Variants in TULP4 observed in about 807,000 individuals in gnomAD.
TULP4 encodes the protein tubby-related protein 4.
A neutral mutation model predicts 129.0 loss-of-function variants in TULP4; 16 were observed. The ratio of observed to expected loss-of-function variants is 0.12; its 90% CI spans 0.08 to 0.19. TULP4 has a LOEUF of 0.19. Among genes scored for constraint, TULP4 ranks in the 10% least tolerant of loss-of-function variants. The probability of loss-of-function intolerance (pLI) is 1.00; values close to 1 mark genes in which losing one functional copy is unlikely to be tolerated. For synonymous variants in TULP4, 998 were observed against 854.0 expected, an observed-to-expected ratio of 1.17 and a Z score of -2.94; for missense variants, 1,842 against 2,059.1, an observed-to-expected ratio of 0.89 and a Z score of 2.04.
intron 2 of TULP4, among the ~76,000 whole-genome samples, chr6:158,429,052 C>T (rs1030147194): frequency 5.3e-5 from 8 of 152,076 alleles, no homozygotes; most frequent in South Asian, 2.1e-4. Flanking sequence ...GCACCATGAT[C>T]GCTCACTAAG....
chr6:158,378,667 T>C (rs1274167711), intron 1 of TULP4, among the ~76,000 whole-genome samples: 1 of 152,050 alleles, frequency 6.6e-6, no homozygotes, highest in Non-Finnish European at 1.5e-5. Flanking sequence ...GTATTTTTAG[T>C]AGAGACAGGG....
rs763153553 is a variant in TULP4, at chr6:158,508,131, C to T, written c.*1437C>T. On this transcript the variant is annotated 3_prime_UTR_variant, in exon 14 of 14. Coordinates refer to ENST00000367097, the MANE Select transcript of TULP4 (RefSeq NM_020245.5). ...CAGTATTCAAGCCCTGATGACAAAA[C>T]CCAGTGTTTTTTGTTGTTGTTTTTT... 1.3e-5 allele frequency: 2 copies of T among 152,126 alleles called. No homozygotes were observed. Among genetic ancestry groups the T allele is most frequent in the Non-Finnish European group, 2.9e-5 (2 of 68,020 alleles). The allele number at this position is 152,126 out of a possible 1,614,324, so 9.4% of individuals were successfully genotyped here. A position where few individuals can be genotyped will look rare whatever the true frequency, so the allele number is the denominator to read the frequency against.
intron 1 of TULP4, among the ~76,000 whole-genome samples, chr6:158,304,977 A>G (rs1350832322): frequency 1.3e-5 from 2 of 151,984 alleles, no homozygotes; most frequent in African/African-American, 2.4e-5. Flanking sequence ...CATTTTTACC[A>G]TTTTTAAAGT....
At chr6:158,262,847 T>TTTGCTTTTGGATG (rs1778375070) in intron 1 of TULP4, among the ~76,000 whole-genome samples, 1 of 117,048 alleles carries the variant, frequency 8.5e-6, no homozygotes, top group Non-Finnish European at 2.0e-5. Context: ...TTGGAATTGT[T>TTTGCTTTTGGATG]TTGCTTTTGG....
At chr6:158,255,945 T>A (rs186890764) in intron 1 of TULP4, among the ~76,000 whole-genome samples, 23 of 152,282 alleles carry the variant, frequency 1.5e-4, no homozygotes, top group Admixed American at 1.5e-3. Context: ...GTGGGAGAGA[T>A]CCCTTTTCTT....
chr6:158,375,373 C>G (rs550847927), intron 1 of TULP4, among the ~76,000 whole-genome samples: 1 of 152,306 alleles, frequency 6.6e-6, no homozygotes, highest in East Asian at 1.9e-4. Context: ...TGCATATTAA[C>G]ATTTGCCACT....
intron 1 of TULP4, among the ~76,000 whole-genome samples, chr6:158,362,581 C>A (rs961235734): frequency 6.6e-6 from 1 of 152,094 alleles, no homozygotes; most frequent in African/African-American, 2.4e-5. Flanking sequence ...AACTCCTGGC[C>A]TCAAGTGATC....
chr6:158,274,370 A>G (rs919761704), intron 1 of TULP4, among the ~76,000 whole-genome samples: 3 of 152,188 alleles, frequency 2.0e-5, no homozygotes, highest in Non-Finnish European at 4.4e-5. Context: ...GGCCACCACC[A>G]GCTGTACCCG....
At position 158,489,843 on chromosome 6, in the gene TULP4, C is replaced by T. The variant is rs909814488; in HGVS notation, c.1631+111C>T. On this transcript the variant is annotated intron_variant, in intron 9 of 13. Transcript: ENST00000367097. ...ACCAGAAGAGTCAAAGAGCAACCTC[C>T]CTGCCTTTTCTTCCAGAAGATTCCA... The T allele has an allele frequency of 1.0e-5, 13 of 1,289,010 alleles. No individual in the cohort carries two copies. In the African/African-American group the frequency reaches 1.8e-4, roughly 18 times the overall value. The allele number at this position is 1,289,010 out of a possible 1,614,324, so 79.8% of individuals were successfully genotyped here. A position where few individuals can be genotyped will look rare whatever the true frequency, so the allele number is the denominator to read the frequency against.
At chr6:158,319,941 GC>G (rs1414929446) in intron 1 of TULP4, among the ~76,000 whole-genome samples, 6 of 152,082 alleles carry the variant, frequency 3.9e-5, no homozygotes, top group African/African-American at 1.4e-4. Context: ...GAAAATATAT[GC>G]CCCCCTCAAT....
chr6:158,405,695 A>G (rs1777964697), intron 1 of TULP4, among the ~76,000 whole-genome samples: 1 of 152,082 alleles, frequency 6.6e-6, no homozygotes, highest in African/African-American at 2.4e-5. Context: ...CCCTGGGCTG[A>G]GATTATGGTG....
intron 1 of TULP4, among the ~76,000 whole-genome samples, chr6:158,257,992 G>A (rs1778278492): frequency 6.6e-6 from 1 of 152,162 alleles, no homozygotes; most frequent in African/African-American, 2.4e-5. Flanking sequence ...TCCAAGGGGT[G>A]GCTGATCTCT....
At chr6:158,465,691 GA>G (rs1250520858) in intron 6 of TULP4, among the ~76,000 whole-genome samples, 1 of 152,212 alleles carries the variant, frequency 6.6e-6, no homozygotes, top group African/African-American at 2.4e-5. Context: ...GAGGTCCTGA[GA>G]AAGTGCGCCC....
intron 1 of TULP4, among the ~76,000 whole-genome samples, chr6:158,371,012 A>G (rs1055369720): frequency 6.6e-6 from 1 of 152,210 alleles, no homozygotes; most frequent in South Asian, 2.1e-4. Flanking sequence ...GCTCCCTTAC[A>G]GGCTCCTGCC....
At chr6:158,381,594 T>A (rs1298648088) in intron 1 of TULP4, among the ~76,000 whole-genome samples, 1 of 152,234 alleles carries the variant, frequency 6.6e-6, no homozygotes, top group African/African-American at 2.4e-5. Flanking sequence ...CTGCTTTTAT[T>A]TTCTTCTCCT....
At chr6:158,363,262 G>T (rs1780842642) in intron 1 of TULP4, among the ~76,000 whole-genome samples, 1 of 152,110 alleles carries the variant, frequency 6.6e-6, no homozygotes, top group Non-Finnish European at 1.5e-5. Context: ...ATTGCTCTGG[G>T]ATCCAGATGT....
At chr6:158,370,232 G>A (rs891023629) in intron 1 of TULP4, among the ~76,000 whole-genome samples, 20 of 151,932 alleles carry the variant, frequency 1.3e-4, no homozygotes, top group East Asian at 1.2e-3. Context: ...TGAGGCGGGC[G>A]GATCACCTGA....
At chr6:158,268,865 C>T (rs1351132693) in intron 1 of TULP4, among the ~76,000 whole-genome samples, 1 of 152,068 alleles carries the variant, frequency 6.6e-6, no homozygotes, top group African/African-American at 2.4e-5. Context: ...TAGAATGATA[C>T]TGAATAGCAC....
At chr6:158,305,324 C>CGTGTGTGTGTGTGT (rs34836137) in intron 1 of TULP4, among the ~76,000 whole-genome samples, 4 of 141,748 alleles carry the variant, frequency 2.8e-5, no homozygotes, top group Non-Finnish European at 3.1e-5. Context: ...ATTCTGTGTG[C>CGTGTGTGTGTGTGT]GTGTGTGTGT....
Sources: allele counts gnomAD v4.1 joint callset (sites outside exome capture counted in the v4.1 genomes callset), GRCh38; gene constraint gnomAD v4.1.1; transcripts MANE v1.5; gene names NCBI Gene and HGNC (gene_info 2026-07-23, HGNC 2026-07-21).